The following CORIN variants were observed in gnomAD, a reference collection of about 807,000 sequenced individuals.
CORIN encodes atrial natriuretic peptide-converting enzyme.
In CORIN, 117 loss-of-function variants were observed where a neutral mutation model predicts 125.3. The observed-to-expected ratio is 0.93, with a 90% CI of 0.80 to 1.09. The LOEUF is 1.09. Among genes scored for constraint, CORIN ranks in the 50% least tolerant of loss-of-function variants. The probability of loss-of-function intolerance (pLI) is 0.00; values close to 1 mark genes in which losing one functional copy is unlikely to be tolerated. For missense variants in CORIN, 1,253 were observed against 1,306.7 expected (o/e 0.96, Z 0.63); for synonymous variants, 450 against 466.4 (o/e 0.96, Z 0.45).
chr4:47,680,074 C>A, intron 8 of CORIN, 67 bp downstream of exon 8: 1 of 996,656 alleles, frequency 1.0e-6, no homozygotes. Context: ...CAGTCCTCAA[C>A]CTTGAGTACA....
chr4:47,643,113 G>C (rs746143396), intron 15 of CORIN, 33 bp downstream of exon 15: 22 of 1,613,858 alleles, frequency 1.4e-5, no homozygotes, highest in Non-Finnish European at 1.8e-5. Context: ...AGGCATGAGA[G>C]AGTACAACAG....
At chr4:47,635,714 T>G (rs2109591430) in intron 16 of CORIN, among the ~76,000 whole-genome samples, 1 of 152,320 alleles carries the variant, frequency 6.6e-6, no homozygotes, top group African/African-American at 2.4e-5. Context: ...GACCAAAGGC[T>G]TTTGCATGTT....
intron 5 of CORIN, among the ~76,000 whole-genome samples, chr4:47,716,967 AG>A (rs1407640767): frequency 2.6e-5 from 4 of 152,192 alleles, no homozygotes; most frequent in African/African-American, 7.2e-5. Flanking sequence ...AATACCTGTT[AG>A]TTGTAACTAA....
intron 5 of CORIN, among the ~76,000 whole-genome samples, chr4:47,717,535 C>T (rs1326655574): frequency 6.6e-6 from 1 of 152,198 alleles, no homozygotes; most frequent in Non-Finnish European, 1.5e-5. Context: ...CCACATTCAA[C>T]AGTGACTTCG....
intron 4 of CORIN, among the ~76,000 whole-genome samples, chr4:47,757,645 A>G (rs1234441556): frequency 6.6e-6 from 1 of 151,726 alleles, no homozygotes; most frequent in Non-Finnish European, 1.5e-5. Context: ...AAGGCCCCAA[A>G]GGATACTTGA....
intron 19 of CORIN, among the ~76,000 whole-genome samples, chr4:47,608,083 G>T (rs1721724784): frequency 6.6e-6 from 1 of 152,210 alleles, no homozygotes; most frequent in South Asian, 2.1e-4. Context: ...CACTTTGGGA[G>T]GCTGAGGCAG....
Position 47,786,838 on chromosome 4 carries a change from G to A in CORIN, c.296C>T (p.Thr99Ile), listed in dbSNP as rs1050473774. Residue 99 changes from threonine (T) to isoleucine (I), a missense_variant, in exon 3 of 22, where the codon ACA (threonine) becomes ATA (isoleucine). Thr to Ile is a moderately conservative substitution (Grantham distance 89). Transcript: ENST00000273857. ...AGTGCTCTGGTTATAAATTGTATTTGTAAGAATAACATCGGACCCTTGGAT... is the reference window on the plus strand; with the variant it reads ...AGTGCTCTGGTTATAAATTGTATTTATAAGAATAACATCGGACCCTTGGAT... Reference protein sequence around the residue: ...GEIQGSDVILTNTIYNQSTVV... With the variant: ...GEIQGSDVILINTIYNQSTVV... 3 of 1,613,364 alleles carry A rather than the reference G, an allele frequency of 1.9e-6. No homozygotes were observed. Among genetic ancestry groups the A allele is most frequent in the African/African-American group, 2.7e-5 (2 of 75,020 alleles).
chr4:47,700,656 C>T (rs1726243610), intron 5 of CORIN, among the ~76,000 whole-genome samples: 1 of 152,200 alleles, frequency 6.6e-6, no homozygotes, highest in South Asian at 2.1e-4. Flanking sequence ...GCCATTGTGT[C>T]TGTGCCAAGC....
chr4:47,668,415 T>C (rs1430354601), intron 10 of CORIN, among the ~76,000 whole-genome samples: 1 of 152,238 alleles, frequency 6.6e-6, no homozygotes, highest in Non-Finnish European at 1.5e-5. Context: ...GGGATTTCTG[T>C]TTGCTTTTGC....
At position 47,730,341 on chromosome 4, in the gene CORIN, C is replaced by T. The variant is rs928549073; in HGVS notation, c.799+14061G>A. On this transcript the variant is annotated intron_variant, in intron 5 of 21. Coordinates refer to ENST00000273857, the MANE Select transcript of CORIN (RefSeq NM_006587.4). ...TACAAAAATTAGCCAGGCGTGGTGG[C>T]GGCTGCCTGTAGTCCTAGCTACTCG... 3.3e-5 allele frequency among the ~76,000 whole-genome samples: 5 copies of T among 151,920 alleles called. No homozygotes were observed. The East Asian group carries it at 5.8e-4, about 18-fold the overall frequency.
chr4:47,672,104 T>A (rs1037792996), intron 10 of CORIN, among the ~76,000 whole-genome samples: 68 of 152,196 alleles, frequency 4.5e-4, no homozygotes, highest in South Asian at 2.1e-4. Flanking sequence ...GTAGAATATA[T>A]CAGTGGGAAG....
chr4:47,804,801 T>G (rs1042239685), intron 2 of CORIN, among the ~76,000 whole-genome samples: 20 of 151,900 alleles, frequency 1.3e-4, no homozygotes, highest in African/African-American at 4.8e-4. Context: ...AGATATTATT[T>G]GATTGCACAA....
intron 2 of CORIN, among the ~76,000 whole-genome samples, chr4:47,787,272 T>A (rs1012779525): frequency 6.6e-6 from 1 of 152,180 alleles, no homozygotes; most frequent in African/African-American, 2.4e-5. Flanking sequence ...TAAAATGTGG[T>A]GAATCTTACA....
intron 11 of CORIN, among the ~76,000 whole-genome samples, chr4:47,664,784 T>A (rs1005684620): frequency 6.6e-6 from 1 of 152,224 alleles, no homozygotes; most frequent in Non-Finnish European, 1.5e-5. Flanking sequence ...GTGAATTTAT[T>A]TGATTAAAAC....
chr4:47,789,065 G>A (rs963590778), intron 2 of CORIN, among the ~76,000 whole-genome samples: 1 of 152,120 alleles, frequency 6.6e-6, no homozygotes, highest in Non-Finnish European at 1.5e-5. Context: ...CACTTTGGGA[G>A]GCCGAGGCAG....
chr4:47,679,997 T>C, intron 8 of CORIN, 144 bp downstream of exon 8: 1 of 575,438 alleles, frequency 1.7e-6, no homozygotes, highest in Non-Finnish European at 3.1e-6. Context: ...CAGTGATCTT[T>C]ACAGGCTAGA....
In CORIN at chr4:47,654,345, G is replaced by C. The variant is rs55895545; in HGVS notation, c.1736-685C>G. 1.1e-3 allele frequency among the ~76,000 whole-genome samples: 89 copies of C among 83,068 alleles called. 1 individual carries two copies. Among genetic ancestry groups the C allele is most frequent in the Middle Eastern group, 5.6e-3 (1 of 178 alleles). The allele number at this position is 83,068 out of a possible 152,430, so 54.5% of individuals were successfully genotyped here. A position where few individuals can be genotyped will look rare whatever the true frequency, so the allele number is the denominator to read the frequency against. ...ACCTGAACAGCATCCACACAAAAAA[G>C]CACCTTCATAAGAACTAAAAATCAT... On this transcript the variant is annotated intron_variant, in intron 12 of 21. Transcript: ENST00000273857.
At chr4:47,731,940 T>C (rs1443227563) in intron 5 of CORIN, among the ~76,000 whole-genome samples, 1 of 151,894 alleles carries the variant, frequency 6.6e-6, no homozygotes, top group African/African-American at 2.4e-5. Flanking sequence ...CTATGGGATA[T>C]AGCCACACAG....
At chr4:47,739,198 A>C (rs67724467) in intron 5 of CORIN, among the ~76,000 whole-genome samples, 14,862 of 152,064 alleles carry the variant, frequency 0.098, 851 homozygotes, top group East Asian at 0.27. Context: ...TCTGCATAAC[A>C]AAGAAGTACA....
Sources: gnomAD v4.1 joint callset for allele counts (sites outside exome capture counted in the v4.1 genomes callset) on GRCh38, gnomAD v4.1.1 for gene constraint, MANE v1.5 for transcripts, NCBI Gene and HGNC (gene_info 2026-07-23, HGNC 2026-07-21) for gene names.